The following GREB1L variants were observed in gnomAD, a reference collection of about 807,000 sequenced individuals.
The protein encoded by GREB1L is GREB1 like retinoic acid receptor coactivator.
A neutral mutation model predicts 200.8 loss-of-function variants in GREB1L; 17 were observed. That is an observed-to-expected ratio of 0.08 (90% CI 0.06 to 0.13). The LOEUF (loss-of-function observed/expected upper bound fraction) is 0.13, where lower values mean the gene tolerates loss of function less well. Among genes scored for constraint, GREB1L ranks in the 10% least tolerant of loss-of-function variants. The pLI, the probability that GREB1L is intolerant of heterozygous loss-of-function variation, is 1.00. For synonymous variants in GREB1L, 789 were observed against 893.0 expected, an observed-to-expected ratio of 0.88 and a Z score of 2.08; for missense variants, 1,657 against 2,367.7, an observed-to-expected ratio of 0.70 and a Z score of 6.23.
chr18:21,505,892 C>T lies in GREB1L; in HGVS notation c.4311C>T (p.Asn1437=). 6.4e-7 allele frequency: 1 copy of T among 1,552,168 alleles called. No individual in the cohort carries two copies. Among genetic ancestry groups the T allele is most frequent in the Non-Finnish European group, 8.7e-7 (1 of 1,147,014 alleles). Residue 1437 remains asparagine, a synonymous_variant, in exon 25 of 33, where the codon AAC becomes AAT. Transcript: ENST00000424526. ...SIMLTKYAAY[N]TFHHCEQCRQ... The stretch of plus-strand genomic sequence containing the variant: ...TGCTGACCAAATATGCAGCCTATAA[C>T]ACCTTTCACCACTGTGAACAGTGCC...
chr18:21,495,185 G>A (rs2036498302), intron 19 of GREB1L, among the ~76,000 whole-genome samples: 1 of 152,198 alleles, frequency 6.6e-6, no homozygotes. Flanking sequence ...ACTATCAAGA[G>A]TGGTTCAATG....
intron 1 of GREB1L, among the ~76,000 whole-genome samples, chr18:21,328,479 A>G (rs2039058184): frequency 1.3e-5 from 2 of 152,200 alleles, no homozygotes; most frequent in South Asian, 4.1e-4. Context: ...GCAGTAGTTC[A>G]AATGGAGTCC....
At chr18:21,480,968 C>A (rs182189902) in intron 17 of GREB1L, among the ~76,000 whole-genome samples, 1 of 150,994 alleles carries the variant, frequency 6.6e-6, no homozygotes, top group African/African-American at 2.4e-5. Context: ...TGCAAAGAGC[C>A]GAGATAGCAC....
At chr18:21,487,199 C>T (rs1034058549) in intron 18 of GREB1L, among the ~76,000 whole-genome samples, 1 of 152,180 alleles carries the variant, frequency 6.6e-6, no homozygotes, top group African/African-American at 2.4e-5. Context: ...TTTCTGGTAA[C>T]ATCATTCAGA....
intron 4 of GREB1L, among the ~76,000 whole-genome samples, chr18:21,390,311 CT>C (rs2040742963): frequency 6.6e-6 from 1 of 151,626 alleles, no homozygotes; most frequent in African/African-American, 2.4e-5. Flanking sequence ...AAAAAGTTTA[CT>C]GTAAAACAGC....
intron 17 of GREB1L, among the ~76,000 whole-genome samples, chr18:21,482,345 C>A (rs565992657): frequency 3.1e-4 from 47 of 152,338 alleles, no homozygotes; most frequent in African/African-American, 1.1e-3. Flanking sequence ...GCAACCTCTG[C>A]CTCCCGGGTT....
intron 1 of GREB1L, among the ~76,000 whole-genome samples, chr18:21,269,776 T>C (rs757590861): frequency 6.6e-6 from 1 of 152,188 alleles, no homozygotes; most frequent in Non-Finnish European, 1.5e-5. Context: ...TATATACATA[T>C]TTATATGATT....
intron 1 of GREB1L, among the ~76,000 whole-genome samples, chr18:21,299,367 T>C (rs941380303): frequency 6.6e-6 from 1 of 151,996 alleles, no homozygotes; most frequent in Non-Finnish European, 1.5e-5. Context: ...CCAGAAAATA[T>C]TCGGATCTTT....
Position 21,500,242 on chromosome 18 carries a change from T to G in GREB1L, c.3905T>G (p.Leu1302Arg), listed in dbSNP as rs1237072019. 1 of 1,520,406 alleles carries G rather than the reference T, an allele frequency of 6.6e-7. No homozygotes were observed. Among genetic ancestry groups the G allele is most frequent in the Admixed American group, 2.0e-5 (1 of 50,984 alleles). The allele number at this position is 1,520,406 out of a possible 1,614,324, so 94.2% of individuals were successfully genotyped here. A position where few individuals can be genotyped will look rare whatever the true frequency, so the allele number is the denominator to read the frequency against. ...RQHHADYSNQ[L>R]DPASGTRNFH... is the part of the protein sequence containing the mutation. ...CACCACGCTGACTATAGCAACCAGC[T>G]GGACCCGGCCTCTGGCACCCGAAAC... Residue 1302 changes from leucine to arginine, a missense_variant, in exon 22 of 33, where the codon CTG (leucine) becomes CGG (arginine). By Grantham distance (102) the Leu-to-Arg change is moderately radical. This residue lies in a region of GREB1L where 512 missense variants were observed against 668.3 expected (regional missense o/e 0.77). Coordinates refer to ENST00000424526, the MANE Select transcript of GREB1L (RefSeq NM_001142966.3).
chr18:21,451,226 C>A, intron 13 of GREB1L, 75 bp downstream of exon 13: 2 of 1,460,716 alleles, frequency 1.4e-6, no homozygotes, highest in African/African-American at 1.4e-5. Context: ...CTTAGCCTGT[C>A]AAGATGAGTG....
chr18:21,511,950 C>T (rs1431614129), intron 27 of GREB1L, among the ~76,000 whole-genome samples: 1 of 152,190 alleles, frequency 6.6e-6, no homozygotes, highest in Non-Finnish European at 1.5e-5. Flanking sequence ...CAGCCCCCAA[C>T]TGTGTTTGTT....
chr18:21,449,456 T>C (rs947303000), intron 11 of GREB1L, 54 bp from the exon 12 acceptor site: 2 of 1,069,126 alleles, frequency 1.9e-6, no homozygotes, highest in Non-Finnish European at 2.7e-6. Flanking sequence ...TGGGTGTGTG[T>C]GTCTCTCCTC....
At position 21,446,626 on chromosome 18, in the gene GREB1L, C is replaced by A. The variant is rs1309540433; in HGVS notation, c.1393+2217C>A. Among the ~76,000 whole-genome samples, 13 of 152,266 alleles carry A rather than the reference C, an allele frequency of 8.5e-5. No individual in the cohort carries two copies. The South Asian group carries it at 2.7e-3, about 32-fold the overall frequency. ...ACATTGAGACATCTCTATCCCTCAACAACTGTTCTGGAGTCCTTTATTTAT... is the reference window on the plus strand; with the variant it reads ...ACATTGAGACATCTCTATCCCTCAAAAACTGTTCTGGAGTCCTTTATTTAT... On this transcript the variant is annotated intron_variant, in intron 11 of 32. Coordinates refer to ENST00000424526, the MANE Select transcript of GREB1L (RefSeq NM_001142966.3).
intron 7 of GREB1L, among the ~76,000 whole-genome samples, chr18:21,437,027 G>T (rs1434820561): frequency 6.6e-6 from 1 of 152,122 alleles, no homozygotes; most frequent in Admixed American, 6.6e-5. Flanking sequence ...AGTGGTAGAA[G>T]AAATTTTAAG....
At chr18:21,259,334 G>T (rs2037853653) in intron 1 of GREB1L, among the ~76,000 whole-genome samples, 1 of 152,114 alleles carries the variant, frequency 6.6e-6, no homozygotes, top group African/African-American at 2.4e-5. Context: ...TGTGCAAGAG[G>T]TGTTTATTCA....
At chr18:21,492,082 C>T (rs1393195567) in intron 19 of GREB1L, among the ~76,000 whole-genome samples, 1 of 152,046 alleles carries the variant, frequency 6.6e-6, no homozygotes, top group African/African-American at 2.4e-5. Context: ...CACGGTAGCT[C>T]ATGCCTGTAA....
intron 2 of GREB1L, among the ~76,000 whole-genome samples, chr18:21,373,275 T>C (rs1371375681): frequency 1.3e-5 from 2 of 152,212 alleles, no homozygotes; most frequent in Non-Finnish European, 2.9e-5. Flanking sequence ...TACCATTGCC[T>C]GCATGAATTT....
chr18:21,340,261 T>TA (rs925342597), intron 1 of GREB1L, among the ~76,000 whole-genome samples: 5 of 150,914 alleles, frequency 3.3e-5, no homozygotes, highest in African/African-American at 7.3e-5. Flanking sequence ...ACTAAAAATA[T>TA]AAAAAAAAAT....
At chr18:21,293,543 C>A (rs1441179763) in intron 1 of GREB1L, among the ~76,000 whole-genome samples, 1 of 152,184 alleles carries the variant, frequency 6.6e-6, no homozygotes, top group African/African-American at 2.4e-5. Flanking sequence ...TTATTGCCTG[C>A]TATGTGATGA....
Sources: gnomAD v4.1 joint callset for allele counts (sites outside exome capture counted in the v4.1 genomes callset) on GRCh38, gnomAD v4.1.1 for gene constraint, gnomAD v4.1.1 regional missense constraint, MANE v1.5 for transcripts, NCBI Gene and HGNC (gene_info 2026-07-23, HGNC 2026-07-21) for gene names.